Variants in EVI5 observed in about 807,000 individuals in gnomAD.
EVI5 encodes the protein ecotropic viral integration site 5 protein homolog.
EVI5 carries 73 observed loss-of-function variants against 112.0 expected under a neutral mutation model. The observed-to-expected ratio is 0.65, with a 90% CI of 0.54 to 0.79. The LOEUF (loss-of-function observed/expected upper bound fraction) is 0.79. Ranked by LOEUF, EVI5 falls within the 30% of genes least tolerant of loss-of-function variation. EVI5 has a pLI of 0.00. For missense variants in EVI5, 900 were observed against 968.8 expected (o/e 0.93, Z 0.94); for synonymous variants, 305 against 319.9 (o/e 0.95, Z 0.50).
chr1:92,784,696 G>A, intron 1 of EVI5, 140 bp downstream of exon 1: 1 of 536,832 alleles, frequency 1.9e-6, no homozygotes, highest in Non-Finnish European at 2.4e-6. Flanking sequence ...GGCGGGGCCA[G>A]GCGCGCCCGC....
At position 92,693,906 on chromosome 1, in the gene EVI5, T is replaced by TA. The variant is rs1553246147; in HGVS notation, c.1000-8dup. ...GAATGACCTTTTGAAAGTGCTAAGA[T>TA]ACAATTAAAAAAAAAACATAAGAAT... On this transcript the variant is annotated splice_region_variant and splice_polypyrimidine_tract_variant and intron_variant, in intron 8 of 19. Transcript: ENST00000684568. The TA allele has an allele frequency of 4.7e-6, 7 of 1,504,010 alleles. No homozygotes were observed. Among genetic ancestry groups the TA allele is most frequent in the Non-Finnish European group, 6.4e-6 (7 of 1,092,654 alleles). 93.2% of individuals were successfully genotyped at this position (1,504,010 alleles called of 1,614,324 possible).
At chr1:92,682,789 T>C (rs1667824522) in intron 9 of EVI5, among the ~76,000 whole-genome samples, 1 of 152,148 alleles carries the variant, frequency 6.6e-6, no homozygotes, top group Non-Finnish European at 1.5e-5. Context: ...TCAGGTATCA[T>C]CTCCTTCAGA....
chr1:92,653,078 A>C (rs1393310843), intron 13 of EVI5, among the ~76,000 whole-genome samples: 2 of 152,172 alleles, frequency 1.3e-5, no homozygotes, highest in East Asian at 3.8e-4. Flanking sequence ...CAGATTACCA[A>C]CTTGCACTGG....
Position 92,625,897 on chromosome 1 carries a change from C to T in EVI5, c.1565G>A (p.Arg522Lys), listed in dbSNP as rs749888981. Reference sequence around the variant, plus strand: ...CACAGCAATGAGTTCTTCCTGAAGCCTTGCAATATTATTCTCATCAGGAAG... The same window carrying T: ...CACAGCAATGAGTTCTTCCTGAAGCTTTGCAATATTATTCTCATCAGGAAG... ...NSLPDENNIA[R>K]LQEELIAVKL... is the part of the protein sequence containing the mutation. Residue 522 changes from arginine (R) to lysine (K), a missense_variant, in exon 15 of 20, where the codon AGG (arginine) becomes AAG (lysine). By Grantham distance (26) the Arg-to-Lys change is conservative. Transcript: ENST00000684568. The T allele has an allele frequency of 4.4e-6, 7 of 1,608,520 alleles. No individual in the cohort carries two copies. In the South Asian group the frequency reaches 4.4e-5, roughly 10 times the overall value.
chr1:92,734,311 G>C (rs1289275485), intron 2 of EVI5, among the ~76,000 whole-genome samples: 1 of 152,140 alleles, frequency 6.6e-6, no homozygotes, highest in Non-Finnish European at 1.5e-5. Flanking sequence ...GAAGAAAGAT[G>C]GGATAGCTCA....
At chr1:92,533,669 C>T (rs1217064714) in intron 19 of EVI5, among the ~76,000 whole-genome samples, 3 of 152,126 alleles carry the variant, frequency 2.0e-5, no homozygotes, top group Non-Finnish European at 4.4e-5. Flanking sequence ...CAAGCAGAAC[C>T]AATGACAAAA....
intron 18 of EVI5, among the ~76,000 whole-genome samples, chr1:92,574,511 A>C (rs1295750555): frequency 6.6e-6 from 1 of 152,158 alleles, no homozygotes; most frequent in African/African-American, 2.4e-5. Context: ...AGTGCAGCAA[A>C]ACTGAGACGA....
intron 17 of EVI5, among the ~76,000 whole-genome samples, chr1:92,606,926 C>T (rs6700843): frequency 7.3e-6 from 1 of 137,842 alleles, no homozygotes; most frequent in Non-Finnish European, 1.6e-5. Flanking sequence ...ACACACACCC[C>T]CCCAAACCCT....
At position 92,785,085 on chromosome 1, in the gene EVI5, G is replaced by C. The variant is rs1040979404; in HGVS notation, c.-331C>G. Reference sequence around the variant, plus strand: ...TGGCCAGCTGGTTCCTCCGGGGTCCGGCCCGGCCGCGTCAGGAGAGCCCAA... The same window carrying C: ...TGGCCAGCTGGTTCCTCCGGGGTCCCGCCCGGCCGCGTCAGGAGAGCCCAA... On this transcript the variant is annotated 5_prime_UTR_variant, in exon 1 of 20. Transcript: ENST00000684568. 5.1e-6 allele frequency: 5 copies of C among 985,384 alleles called. No individual in the cohort carries two copies. The African/African-American group carries it at 7.0e-5, about 14-fold the overall frequency. 61.0% of individuals were successfully genotyped at this position (985,384 alleles called of 1,614,324 possible).
At chr1:92,730,921 G>C (rs1056776085) in intron 2 of EVI5, among the ~76,000 whole-genome samples, 1 of 152,090 alleles carries the variant, frequency 6.6e-6, no homozygotes, top group African/African-American at 2.4e-5. Flanking sequence ...ACAGATGATA[G>C]GCTCATCTAC....
chr1:92,581,975 T>C (rs562991034), intron 18 of EVI5, among the ~76,000 whole-genome samples: 25 of 152,314 alleles, frequency 1.6e-4, no homozygotes, highest in African/African-American at 5.5e-4. Flanking sequence ...TCTAATGTAG[T>C]CACGACTCGC....
At chr1:92,600,570 A>G (rs1014077574) in intron 18 of EVI5, among the ~76,000 whole-genome samples, 7 of 152,174 alleles carry the variant, frequency 4.6e-5, no homozygotes, top group African/African-American at 1.7e-4. Flanking sequence ...CAGATTTCGT[A>G]GTCCATAGAG....
At chr1:92,533,217 T>C (rs945438007) in intron 19 of EVI5, among the ~76,000 whole-genome samples, 2 of 151,920 alleles carry the variant, frequency 1.3e-5, no homozygotes, top group African/African-American at 2.4e-5. Flanking sequence ...CCTGGACACA[T>C]ACACCCAAGA....
At chr1:92,580,800 G>C (rs1472763331) in intron 18 of EVI5, 1 of 154,692 alleles carries the variant, frequency 6.5e-6, no homozygotes, top group African/African-American at 2.4e-5. Flanking sequence ...GCAGCTGCAA[G>C]ATATGTCTAT....
intron 2 of EVI5, among the ~76,000 whole-genome samples, chr1:92,715,994 A>G (rs1673604102): frequency 6.6e-6 from 1 of 152,168 alleles, no homozygotes; most frequent in Admixed American, 6.5e-5. Context: ...AAGTGCTGCA[A>G]GGCTTGCTAT....
chr1:92,549,681 G>C (rs957347471), intron 19 of EVI5, among the ~76,000 whole-genome samples: 3 of 152,138 alleles, frequency 2.0e-5, no homozygotes, highest in Non-Finnish European at 4.4e-5. Context: ...ATCAAAAAGT[G>C]GGCAAAGCAT....
Position 92,671,602 on chromosome 1 carries a change from T to C in EVI5, c.1158+5556A>G, listed in dbSNP as rs544262469. 5.3e-5 allele frequency among the ~76,000 whole-genome samples: 8 copies of C among 152,262 alleles called. No individual in the cohort carries two copies. In the East Asian group the frequency reaches 5.8e-4, roughly 11 times the overall value. On this transcript the variant is annotated intron_variant, in intron 10 of 19. Transcript: ENST00000684568. ...CATCTCATTCCCAAGATACCCAAAA[T>C]TGGGCTCCTGGTATCCCCACTAAAC...
intron 13 of EVI5, among the ~76,000 whole-genome samples, chr1:92,655,888 A>G (rs893497224): frequency 4.6e-5 from 7 of 152,276 alleles, no homozygotes; most frequent in Admixed American, 2.6e-4. Context: ...GGAAACAAAA[A>G]TAAATAAAAA....
chr1:92,557,939 T>C (rs535381330), intron 19 of EVI5, among the ~76,000 whole-genome samples: 3 of 152,160 alleles, frequency 2.0e-5, no homozygotes, highest in East Asian at 1.9e-4. Flanking sequence ...GGTTTCTCCA[T>C]GTTGGCCAGG....
Sources: allele counts gnomAD v4.1 joint callset (sites outside exome capture counted in the v4.1 genomes callset), GRCh38; gene constraint gnomAD v4.1.1; transcripts MANE v1.5; gene names NCBI Gene and HGNC (gene_info 2026-07-23, HGNC 2026-07-21).